CGGBP1: variants seen among roughly 807,000 people sequenced by gnomAD.
CGGBP1 encodes the protein CGG triplet repeat-binding protein 1.
In CGGBP1, 4 loss-of-function variants were observed where a neutral mutation model predicts 11.4. The observed-to-expected ratio is 0.35, with a 90% CI of 0.17 to 0.80. The LOEUF (loss-of-function observed/expected upper bound fraction) is 0.80, where lower values mean the gene tolerates loss of function less well. CGGBP1 is among the 30% of genes least tolerant of loss of function. CGGBP1 has a pLI of 0.52. For synonymous variants in CGGBP1, 76 were observed against 74.1 expected (o/e 1.03, Z -0.13); for missense variants, 135 against 202.1 (o/e 0.67, Z 2.01).
chr3:88,138,770 T>C, intron 2 of CGGBP1: 1 of 1,232,080 alleles, frequency 8.1e-7, no homozygotes, highest in Non-Finnish European at 1.0e-6. Context: ...TCGACCTTCA[T>C]GATGATCCCA....
chr3:88,147,992 T>A (rs1489273054), intron 1 of CGGBP1, among the ~76,000 whole-genome samples: 1 of 152,208 alleles, frequency 6.6e-6, no homozygotes, highest in African/African-American at 2.4e-5. Context: ...ACTGCAACTC[T>A]AACACATTGC....
chr3:88,133,852 A>AT (rs1371928043), intron 2 of CGGBP1, among the ~76,000 whole-genome samples: 1 of 152,184 alleles, frequency 6.6e-6, no homozygotes, highest in Admixed American at 6.6e-5. Context: ...GAGCAAAAGT[A>AT]TACTTGAAAT....
upstream of CGGBP1, among the ~76,000 whole-genome samples, chr3:88,062,853 G>A (rs1280398221): frequency 6.6e-6 from 1 of 152,148 alleles, no homozygotes; most frequent in African/African-American, 2.4e-5. Flanking sequence ...GACTTAAATA[G>A]GTAGATGCTA....
At position 88,054,755 on chromosome 3, in the gene CGGBP1, G is replaced by C. The variant is rs1326667211; in HGVS notation, c.*718C>G. 2 of 152,584 alleles carry C rather than the reference G, an allele frequency of 1.3e-5. No individual in the cohort carries two copies. The highest frequency in any genetic ancestry group is 3.8e-4 in the East Asian group (2 of 5,198). The allele number at this position is 152,584 out of a possible 1,614,324, so 9.5% of individuals were successfully genotyped here. Reference sequence around the variant, plus strand: ...AAATGAAAGCTATGGTTCGAAATTAGTATTCATAGTAAGAGACTAAAATCC... The same window carrying C: ...AAATGAAAGCTATGGTTCGAAATTACTATTCATAGTAAGAGACTAAAATCC... On this transcript the variant is annotated 3_prime_UTR_variant, in exon 4 of 4. Coordinates refer to ENST00000482016, the MANE Select transcript of CGGBP1 (RefSeq NM_001008390.2).
chr3:88,117,414 G>A (rs1377502845), intron 2 of CGGBP1, among the ~76,000 whole-genome samples: 3 of 151,964 alleles, frequency 2.0e-5, no homozygotes, highest in South Asian at 4.2e-4. Flanking sequence ...TTTTTTAAGA[G>A]GAAAAATATG....
chr3:88,109,809 A>C (rs577743968), intron 2 of CGGBP1, among the ~76,000 whole-genome samples: 1 of 152,310 alleles, frequency 6.6e-6, no homozygotes, highest in East Asian at 1.9e-4. Flanking sequence ...AACATGGTAA[A>C]AAATAATATA....
chr3:88,077,431 C>A (rs1401185779), intron 2 of CGGBP1, among the ~76,000 whole-genome samples: 2 of 151,000 alleles, frequency 1.3e-5, no homozygotes, highest in African/African-American at 2.4e-5. Context: ...CCGCCGGGTT[C>A]ACTCCACTCT....
chr3:88,119,069 TAA>T (rs1292441828), intron 2 of CGGBP1, among the ~76,000 whole-genome samples: 1 of 149,562 alleles, frequency 6.7e-6, no homozygotes, highest in East Asian at 2.0e-4. Flanking sequence ...CATGCTGCTA[TAA>T]AGACACATGC....
chr3:88,058,500 G>C (rs1390892030), intron 1 of CGGBP1, among the ~76,000 whole-genome samples: 1 of 152,132 alleles, frequency 6.6e-6, no homozygotes, highest in East Asian at 1.9e-4. Context: ...CGGCGTCTGG[G>C]CTCTCTCCTC....
intron 2 of CGGBP1, among the ~76,000 whole-genome samples, chr3:88,088,728 A>T (rs77990694): frequency 4.7e-4 from 4 of 8,582 alleles, no homozygotes; most frequent in Admixed American, 2.2e-3. Context: ...GAGGCAGTTT[A>T]AAAAAAAACC....
At chr3:88,086,103 G>A (rs1402735878) in intron 2 of CGGBP1, among the ~76,000 whole-genome samples, 14 of 152,074 alleles carry the variant, frequency 9.2e-5, no homozygotes, top group Middle Eastern at 3.4e-3. Context: ...GATATATATC[G>A]TCAAAATAAA....
rs73844854 is a variant in CGGBP1, at chr3:88,075,608, A to G, written c.-228-17385T>C. Among the ~76,000 whole-genome samples the G allele has an allele frequency of 3.0e-3, 461 of 152,236 alleles. 3 individuals are homozygous for G. Among genetic ancestry groups the G allele is most frequent in the African/African-American group, 0.011 (443 of 41,540 alleles). ...TTTTAATTATTCCAGGCCTTGCATA[A>G]TTTGTTCTACTTTATTGGCAGAATA... On this transcript the variant is annotated intron_variant, in intron 2 of 3. Transcript: ENST00000462901.
At chr3:88,135,677 G>C (rs770252551) in intron 2 of CGGBP1, among the ~76,000 whole-genome samples, 22 of 152,050 alleles carry the variant, frequency 1.4e-4, no homozygotes, top group Non-Finnish European at 2.9e-4. Context: ...GTAAAAATGT[G>C]TTACCTCTTT....
At chr3:88,138,368 C>T (rs1451005894) in intron 2 of CGGBP1, among the ~76,000 whole-genome samples, 9 of 151,908 alleles carry the variant, frequency 5.9e-5, no homozygotes, top group Non-Finnish European at 4.4e-5. Flanking sequence ...TTTGTACCTA[C>T]AATAATAAAT....
intron 2 of CGGBP1, chr3:88,095,455 A>G: frequency 2.7e-6 from 1 of 373,788 alleles, no homozygotes; most frequent in South Asian, 2.1e-5. Flanking sequence ...TCCTCAAGGT[A>G]CGCATGCAAC....
chr3:88,130,752 C>G (rs1706410314), intron 2 of CGGBP1, among the ~76,000 whole-genome samples: 1 of 151,742 alleles, frequency 6.6e-6, no homozygotes, highest in Non-Finnish European at 1.5e-5. Context: ...GCCACTGTGC[C>G]TGGCCCTATT....
At chr3:88,117,107 A>C (rs988553980) in intron 2 of CGGBP1, among the ~76,000 whole-genome samples, 3 of 152,224 alleles carry the variant, frequency 2.0e-5, no homozygotes, top group African/African-American at 7.2e-5. Context: ...CAGAGGTAAA[A>C]TATTATATAG....
rs770835763 is a variant in CGGBP1, at chr3:88,054,231, T to C, written c.*1242A>G. 1 of 152,604 alleles carries C rather than the reference T, an allele frequency of 6.6e-6. No homozygotes were observed. Among genetic ancestry groups the C allele is most frequent in the Non-Finnish European group, 1.5e-5 (1 of 68,010 alleles). 9.5% of individuals were successfully genotyped at this position (152,604 alleles called of 1,614,324 possible). On this transcript the variant is annotated 3_prime_UTR_variant, in exon 4 of 4. Transcript: ENST00000482016. Reference sequence around the variant, plus strand: ...TTTTTATTAAAGCTCTAGTCCAAGTTTCCAGCTGTTAAATTTTTAAAAAAT... The same window carrying C: ...TTTTTATTAAAGCTCTAGTCCAAGTCTCCAGCTGTTAAATTTTTAAAAAAT...
intron 2 of CGGBP1, among the ~76,000 whole-genome samples, chr3:88,108,299 T>G (rs1285179039): frequency 6.6e-6 from 1 of 152,190 alleles, no homozygotes; most frequent in African/African-American, 2.4e-5. Flanking sequence ...GGTGTAGCTA[T>G]TTGAATTTTT....
Sources: allele counts gnomAD v4.1 joint callset (sites outside exome capture counted in the v4.1 genomes callset), GRCh38; gene constraint gnomAD v4.1.1; transcripts MANE v1.5; gene names NCBI Gene and HGNC (gene_info 2026-07-23, HGNC 2026-07-21).